The following NEBL variants were observed in gnomAD, a reference collection of about 807,000 sequenced individuals.
NEBL encodes nebulette, also known as LIM and SH3 protein 2.
A neutral mutation model predicts 140.2 loss-of-function variants in NEBL; 122 were observed. The ratio of observed to expected loss-of-function variants is 0.87; its 90% CI spans 0.75 to 1.01. NEBL has a LOEUF of 1.01. Among genes scored for constraint, NEBL ranks in the 50% least tolerant of loss-of-function variants. The pLI is 0.00. For missense variants in NEBL, 1,365 were observed against 1,231.3 expected (o/e 1.11, Z -1.62); for synonymous variants, 436 against 398.9 (o/e 1.09, Z -1.11).
chr10:21,271,648 C>T (rs1197455537), intron 1 of NEBL, among the ~76,000 whole-genome samples: 1 of 151,648 alleles, frequency 6.6e-6, no homozygotes, highest in Non-Finnish European at 1.5e-5. Flanking sequence ...GCCTCAACCT[C>T]CTGAGCAGCT....
intron 2 of NEBL, among the ~76,000 whole-genome samples, chr10:21,114,283 A>C (rs1437258731): frequency 6.6e-6 from 1 of 152,082 alleles, no homozygotes; most frequent in Non-Finnish European, 1.5e-5. Flanking sequence ...GTGGTCAGAA[A>C]ACATACCCTG....
chr10:20,882,156 G>A (rs149961632), intron 4 of NEBL, among the ~76,000 whole-genome samples: 2 of 150,638 alleles, frequency 1.3e-5, no homozygotes, highest in African/African-American at 4.9e-5. Context: ...GATAGAGCAA[G>A]ATCCTGCAAA....
At chr10:20,839,940 C>G (rs1841255734) in intron 13 of NEBL, among the ~76,000 whole-genome samples, 1 of 152,114 alleles carries the variant, frequency 6.6e-6, no homozygotes, top group South Asian at 2.1e-4. Context: ...ATAACAGAAC[C>G]AAGAGATGGA....
intron 4 of NEBL, among the ~76,000 whole-genome samples, chr10:20,922,947 T>G (rs1462846747): frequency 6.6e-6 from 1 of 151,592 alleles, no homozygotes; most frequent in Non-Finnish European, 1.5e-5. Context: ...CAGAGGGGAG[T>G]ATAGGGAAGC....
chr10:21,040,200 T>G (rs569691701), intron 2 of NEBL, among the ~76,000 whole-genome samples: 1 of 152,162 alleles, frequency 6.6e-6, no homozygotes, highest in Admixed American at 6.5e-5. Context: ...ACCCCGTCTC[T>G]ACTAAAAATA....
intron 2 of NEBL, among the ~76,000 whole-genome samples, chr10:21,167,955 C>A (rs1352210769): frequency 1.3e-5 from 2 of 151,966 alleles, no homozygotes; most frequent in Non-Finnish European, 2.9e-5. Flanking sequence ...TCAAGTACAC[C>A]AGTTTGTTTT....
chr10:21,170,156 T>C (rs1841011431), intron 2 of NEBL: 1 of 152,244 alleles, frequency 6.6e-6, no homozygotes, highest in Admixed American at 6.5e-5. Context: ...AACCTTTTTC[T>C]GTCCTTTTAT....
chr10:20,809,414 G>A (rs2130766252), intron 25 of NEBL, among the ~76,000 whole-genome samples: 1 of 152,192 alleles, frequency 6.6e-6, no homozygotes, highest in Admixed American at 6.5e-5. Flanking sequence ...ATGATGCCCT[G>A]TAAAAAACCT....
At chr10:20,918,000 T>C (rs1252731682) in intron 4 of NEBL, among the ~76,000 whole-genome samples, 2 of 152,178 alleles carry the variant, frequency 1.3e-5, no homozygotes, top group Non-Finnish European at 2.9e-5. Context: ...CAAAATGATA[T>C]ATGCATGACA....
chr10:20,948,820 A>G (rs1398912306), intron 4 of NEBL, among the ~76,000 whole-genome samples: 1 of 152,200 alleles, frequency 6.6e-6, no homozygotes, highest in Non-Finnish European at 1.5e-5. Flanking sequence ...TTTGGCAGGA[A>G]AAGACCCCAC....
intron 2 of NEBL, among the ~76,000 whole-genome samples, chr10:21,140,662 G>T (rs1276933372): frequency 6.6e-6 from 1 of 151,898 alleles, no homozygotes; most frequent in African/African-American, 2.4e-5. Flanking sequence ...ATCACACAAT[G>T]AAAAAATATA....
rs543070029 is a variant in NEBL at position 20,822,362 on chromosome 10, GGTCT to G, written c.1962+842_1962+845del. 3.7e-3 allele frequency among the ~76,000 whole-genome samples: 551 copies of G among 150,680 alleles called. 5 individuals carry two copies. The highest frequency in any genetic ancestry group is 0.013 in the African/African-American group (534 of 41,116). The stretch of plus-strand genomic sequence containing the variant: ...TATGTTATCTATCTATCTATCTATA[GGTCT>G]ATCTATAGATAGATATCTATACCTA... On this transcript the variant is annotated intron_variant, in intron 19 of 27. Transcript: ENST00000377122.
rs3990287 is a variant in NEBL at position 20,814,617 on chromosome 10, T to TACACACACACACACACAC, written c.2242-592_2242-575dup. On this transcript the variant is annotated intron_variant, in intron 22 of 27. Coordinates refer to ENST00000377122, the MANE Select transcript of NEBL (RefSeq NM_006393.3). The stretch of plus-strand genomic sequence containing the variant: ...TGTCTCAAACACACACATACACACA[T>TACACACACACACACACAC]ACACACACACACACACACACACAAC... Among the ~76,000 whole-genome samples the TACACACACACACACACAC allele has an allele frequency of 1.7e-3, 256 of 146,520 alleles. 1 individual carries two copies. The highest frequency in any genetic ancestry group is 5.9e-3 in the African/African-American group (231 of 39,248).
At chr10:21,019,114 G>A (rs928229866) in intron 3 of NEBL, among the ~76,000 whole-genome samples, 18 of 152,046 alleles carry the variant, frequency 1.2e-4, no homozygotes, top group South Asian at 4.1e-4. Flanking sequence ...AACTCTGTGC[G>A]TTTCCCTTTC....
intron 2 of NEBL, among the ~76,000 whole-genome samples, chr10:21,021,179 T>C (rs2131773696): frequency 6.6e-6 from 1 of 152,338 alleles, no homozygotes; most frequent in South Asian, 2.1e-4. Context: ...TGCAAATATA[T>C]CTCAACTATT....
chr10:21,039,788 T>C (rs887521046), intron 2 of NEBL, among the ~76,000 whole-genome samples: 1 of 152,216 alleles, frequency 6.6e-6, no homozygotes, highest in Non-Finnish European at 1.5e-5. Context: ...TATTCTAATA[T>C]ATTCCTTTTT....
intron 2 of NEBL, among the ~76,000 whole-genome samples, chr10:20,892,726 T>C (rs1847131965): frequency 6.6e-6 from 1 of 152,220 alleles, no homozygotes; most frequent in Admixed American, 6.5e-5. Context: ...TTCCTCCTCC[T>C]GGCCAAGTTT....
intron 1 of NEBL, among the ~76,000 whole-genome samples, chr10:21,268,524 A>AT (rs202006533): frequency 1.0e-3 from 146 of 145,700 alleles, no homozygotes; most frequent in Middle Eastern, 3.5e-3. Context: ...TTTTAATTTA[A>AT]TTTTTTTTTT....
intron 3 of NEBL, among the ~76,000 whole-genome samples, chr10:21,246,329 C>T (rs1842516356): frequency 6.6e-6 from 1 of 152,192 alleles, no homozygotes. Flanking sequence ...AACATACACT[C>T]GCCATATAAC....
Sources: allele counts gnomAD v4.1 joint callset (sites outside exome capture counted in the v4.1 genomes callset), GRCh38; gene constraint gnomAD v4.1.1; transcripts MANE v1.5; gene names NCBI Gene and HGNC (gene_info 2026-07-23, HGNC 2026-07-21).